PLCB4: variants seen among roughly 807,000 people sequenced by gnomAD.
PLCB4 encodes phospholipase C beta 4.
In PLCB4, 77 loss-of-function variants were observed where a neutral mutation model predicts 178.8. The observed-to-expected ratio is 0.43, with a 90% confidence interval of 0.36 to 0.52. The LOEUF is 0.52. Ranked by LOEUF, PLCB4 falls within the 20% of genes least tolerant of loss-of-function variation. The pLI, the probability that PLCB4 is intolerant of heterozygous loss-of-function variation, is 0.00. For synonymous variants in PLCB4, 496 were observed against 490.8 expected, an observed-to-expected ratio of 1.01 and a Z score of -0.14; for missense variants, 1,024 against 1,453.4, an observed-to-expected ratio of 0.70 and a Z score of 4.80.
chr20:9,160,606 C>T (rs2146978122), intron 2 of PLCB4, among the ~76,000 whole-genome samples: 1 of 152,232 alleles, frequency 6.6e-6, no homozygotes, highest in Non-Finnish European at 1.5e-5. Context: ...AAAAAGAATG[C>T]AGAAAGTGAG....
intron 25 of PLCB4, among the ~76,000 whole-genome samples, chr20:9,414,704 A>AAT (rs1568777498): frequency 6.6e-6 from 1 of 152,206 alleles, no homozygotes; most frequent in Non-Finnish European, 1.5e-5. Flanking sequence ...ACTGGGCCCA[A>AAT]TAAGTGTGAA....
At chr20:9,458,113 CCAA>C (rs547057400) in intron 34 of PLCB4, among the ~76,000 whole-genome samples, 10 of 151,738 alleles carry the variant, frequency 6.6e-5, no homozygotes, top group Middle Eastern at 3.4e-3. Flanking sequence ...AAAAAAAAAA[CCAA>C]CAACAACTGT....
At chr20:9,459,036 C>G (rs547864429) in intron 34 of PLCB4, among the ~76,000 whole-genome samples, 49 of 152,274 alleles carry the variant, frequency 3.2e-4, no homozygotes, top group African/African-American at 1.2e-3. Flanking sequence ...GTAAAAGAGC[C>G]TAAGGCCCAC....
chr20:9,327,382 G>GTTCAGCCTGGACAACATAGC (rs1394232008), intron 4 of PLCB4, among the ~76,000 whole-genome samples: 1 of 151,958 alleles, frequency 6.6e-6, no homozygotes, highest in African/African-American at 2.4e-5. Flanking sequence ...AGGAGTTTGA[G>GTTCAGCCTGGACAACATAGC]GCTGCGGTGC....
At chr20:9,091,156 T>G (rs1258572753) in intron 1 of PLCB4, among the ~76,000 whole-genome samples, 1 of 152,090 alleles carries the variant, frequency 6.6e-6, no homozygotes, top group Non-Finnish European at 1.5e-5. Context: ...TGAGAGAAAC[T>G]AATGCTGTTG....
chr20:9,159,484 G>A (rs1192879257), intron 2 of PLCB4, among the ~76,000 whole-genome samples: 1 of 152,168 alleles, frequency 6.6e-6, no homozygotes, highest in Non-Finnish European at 1.5e-5. Context: ...TGTGTGATAA[G>A]AGGGATCTTC....
At chr20:9,085,287 A>G (rs1024092353) in intron 1 of PLCB4, among the ~76,000 whole-genome samples, 3 of 152,176 alleles carry the variant, frequency 2.0e-5, no homozygotes, top group Non-Finnish European at 2.9e-5. Context: ...AGTGAGTCAC[A>G]TGAAATGACC....
intron 4 of PLCB4, among the ~76,000 whole-genome samples, chr20:9,308,478 AT>A (rs1471981010): frequency 6.6e-6 from 1 of 152,210 alleles, no homozygotes; most frequent in Non-Finnish European, 1.5e-5. Flanking sequence ...TTAAAGCCTC[AT>A]TTGCATTGTA....
intron 3 of PLCB4, among the ~76,000 whole-genome samples, chr20:9,268,117 A>C (rs998614887): frequency 2.6e-5 from 4 of 152,224 alleles, no homozygotes; most frequent in Non-Finnish European, 4.4e-5. Context: ...GTATTCTATT[A>C]TAAGCAACAG....
intron 12 of PLCB4, among the ~76,000 whole-genome samples, chr20:9,373,873 C>T (rs1318096468): frequency 2.0e-5 from 3 of 152,136 alleles, no homozygotes; most frequent in African/African-American, 7.2e-5. Context: ...CAGTGAAACC[C>T]ATCAAGACTC....
At chr20:9,252,652 A>G (rs1425602327) in intron 3 of PLCB4, among the ~76,000 whole-genome samples, 1 of 152,180 alleles carries the variant, frequency 6.6e-6, no homozygotes, top group Non-Finnish European at 1.5e-5. Flanking sequence ...AATATTCTGC[A>G]TATGTCAATG....
intron 3 of PLCB4, among the ~76,000 whole-genome samples, chr20:9,241,048 A>G (rs552123652): frequency 6.6e-6 from 1 of 152,338 alleles, no homozygotes; most frequent in East Asian, 1.9e-4. Flanking sequence ...AAGGAAAGAT[A>G]AGACCTATGG....
rs368160723 is a variant in PLCB4, at chr20:9,423,731, T to G, written c.2320-17T>G. On this transcript the variant is annotated splice_polypyrimidine_tract_variant and intron_variant, in intron 27 of 39. Coordinates refer to ENST00000378473, the MANE Select transcript of PLCB4 (RefSeq NM_001377142.1). ...GCTGCATTGGAAAAATCAGTGAAAG[T>G]CCTGTTCTGTTTGCAGGTGATCCTG... The G allele has an allele frequency of 1.7e-5, 27 of 1,606,174 alleles. No individual in the cohort carries two copies. In the African/African-American group the frequency reaches 3.2e-4, roughly 19 times the overall value.
At chr20:9,298,751 T>C (rs1317348931) in intron 3 of PLCB4, among the ~76,000 whole-genome samples, 1 of 152,118 alleles carries the variant, frequency 6.6e-6, no homozygotes, top group Non-Finnish European at 1.5e-5. Context: ...AATTATTAAA[T>C]TTTAAGGAAG....
intron 3 of PLCB4, among the ~76,000 whole-genome samples, chr20:9,265,882 C>T (rs1038496099): frequency 6.6e-6 from 1 of 152,180 alleles, no homozygotes; most frequent in Non-Finnish European, 1.5e-5. Flanking sequence ...CAGGCCCCAC[C>T]ACAGATTTAC....
chr20:9,357,129 A>C (rs1429646957), intron 7 of PLCB4, among the ~76,000 whole-genome samples: 5 of 152,190 alleles, frequency 3.3e-5, no homozygotes, highest in Non-Finnish European at 7.3e-5. Context: ...AACAAATAGA[A>C]AAGTAAAACA....
intron 13 of PLCB4, among the ~76,000 whole-genome samples, chr20:9,380,638 A>C (rs1240775625): frequency 6.6e-6 from 1 of 152,208 alleles, no homozygotes; most frequent in Admixed American, 6.5e-5. Context: ...TATGAAATTA[A>C]ATAGTCAGGA....
In PLCB4 at chr20:9,102,904, T is replaced by A. The variant is rs1350444527; in HGVS notation, c.-79+6562T>A. Among the ~76,000 whole-genome samples, 3 of 152,326 alleles carry A rather than the reference T, an allele frequency of 2.0e-5. No individual in the cohort carries two copies. In the East Asian group the frequency reaches 5.8e-4, roughly 29 times the overall value. On this transcript the variant is annotated intron_variant, in intron 2 of 39. Transcript: ENST00000378473. The stretch of plus-strand genomic sequence containing the variant: ...AAAAAAGTCTGCATAAAATAGCTGC[T>A]TGGCTGTCACTTCCATATAAGCTAT...
At chr20:9,233,480 G>T (rs995447567) in intron 3 of PLCB4, among the ~76,000 whole-genome samples, 1 of 152,126 alleles carries the variant, frequency 6.6e-6, no homozygotes. Context: ...TTCATGTAGT[G>T]ATAAACATTA....
Sources: allele counts gnomAD v4.1 joint callset (sites outside exome capture counted in the v4.1 genomes callset), GRCh38; gene constraint gnomAD v4.1.1; transcripts MANE v1.5; gene names NCBI Gene and HGNC (gene_info 2026-07-23, HGNC 2026-07-21).